Variants in C9 observed in about 807,000 individuals in gnomAD.
C9 encodes the protein complement component C9.
Under a neutral mutation model 65.4 loss-of-function variants are expected in C9, and 63 were observed. That is an observed-to-expected ratio of 0.96 (90% CI 0.79 to 1.19). C9 has a LOEUF of 1.19. C9 is among the 50% of genes most tolerant of loss of function. The probability of loss-of-function intolerance (pLI) is 0.00; values close to 1 mark genes in which losing one functional copy is unlikely to be tolerated. For missense variants in C9, 744 were observed against 670.1 expected, an observed-to-expected ratio of 1.11 and a Z score of -1.22; for synonymous variants, 229 against 227.9, an observed-to-expected ratio of 1.00 and a Z score of -0.04.
At chr5:39,328,302 G>C (rs1162631778) in intron 5 of C9, among the ~76,000 whole-genome samples, 2 of 152,200 alleles carry the variant, frequency 1.3e-5, no homozygotes, top group Non-Finnish European at 2.9e-5. Context: ...CTGAACCCAG[G>C]ATCAAAATGG....
At chr5:39,349,211 G>T (rs2111971152) in intron 1 of C9, among the ~76,000 whole-genome samples, 1 of 151,356 alleles carries the variant, frequency 6.6e-6, no homozygotes, top group Non-Finnish European at 1.5e-5. Flanking sequence ...AAAAGACTAG[G>T]TGATGCCAAT....
intron 1 of C9, among the ~76,000 whole-genome samples, chr5:39,352,834 GTTTT>G (rs747093390): frequency 6.9e-6 from 1 of 144,666 alleles, no homozygotes; most frequent in African/African-American, 2.6e-5. Flanking sequence ...TGAAGTCTAA[GTTTT>G]TTTTTTTTTT....
Position 39,334,728 on chromosome 5 carries a change from G to A in C9, c.477-2914C>T, listed in dbSNP as rs182001368. Among the ~76,000 whole-genome samples the A allele has an allele frequency of 6.5e-3, 953 of 146,044 alleles. 19 individuals carry two copies. The highest frequency in any genetic ancestry group is 0.024 in the African/African-American group (856 of 36,334). On this transcript the variant is annotated intron_variant, in intron 4 of 10. Coordinates refer to ENST00000263408, the MANE Select transcript of C9 (RefSeq NM_001737.5). ...AGCCCCCCGCCTGGCCAGCCACCCC[G>A]TCCGGGAGGTGAGGGGCGCCTCTGC...
At chr5:39,287,961 C>A (rs1222040697) in intron 10 of C9, among the ~76,000 whole-genome samples, 1 of 151,670 alleles carries the variant, frequency 6.6e-6, no homozygotes, top group Admixed American at 6.6e-5. Context: ...TTCACATGTA[C>A]CCTTTAAATT....
intron 7 of C9, among the ~76,000 whole-genome samples, chr5:39,308,975 T>C (rs994846398): frequency 6.6e-6 from 1 of 152,160 alleles, no homozygotes; most frequent in Non-Finnish European, 1.5e-5. Flanking sequence ...ATCCTTAATG[T>C]AGCTGGTTCA....
chr5:39,352,251 A>T (rs573659250), intron 1 of C9, among the ~76,000 whole-genome samples: 14 of 152,348 alleles, frequency 9.2e-5, no homozygotes, highest in African/African-American at 3.4e-4. Flanking sequence ...GTCCTTCAAC[A>T]CATGGGAATT....
At chr5:39,323,710 C>A (rs1753702439) in intron 5 of C9, among the ~76,000 whole-genome samples, 2 of 151,722 alleles carry the variant, frequency 1.3e-5, no homozygotes, top group African/African-American at 4.8e-5. Flanking sequence ...CCCACATTGA[C>A]CATTATACTC....
At chr5:39,352,894 A>G (rs1754347796) in intron 1 of C9, among the ~76,000 whole-genome samples, 1 of 151,426 alleles carries the variant, frequency 6.6e-6, no homozygotes, top group Admixed American at 6.6e-5. Context: ...TCTCAAAGAT[A>G]TCCCTGTTCC....
intron 1 of C9, among the ~76,000 whole-genome samples, chr5:39,345,655 G>A (rs777863692): frequency 3.3e-5 from 5 of 152,178 alleles, no homozygotes; most frequent in Non-Finnish European, 7.3e-5. Flanking sequence ...ATTTAACTCA[G>A]CTCTGCACCA....
intron 5 of C9, among the ~76,000 whole-genome samples, chr5:39,324,014 T>A (rs1415125994): frequency 6.6e-6 from 1 of 152,088 alleles, no homozygotes; most frequent in Non-Finnish European, 1.5e-5. Flanking sequence ...GCATTTCTAC[T>A]CACTAGCTAC....
intron 9 of C9, among the ~76,000 whole-genome samples, chr5:39,305,644 T>G (rs189880649): frequency 6.6e-6 from 1 of 152,190 alleles, no homozygotes; most frequent in East Asian, 1.9e-4. Flanking sequence ...TTTAGGCAGC[T>G]TGGGGAAAGA....
chr5:39,312,011 C>T (rs1753493295), intron 6 of C9, among the ~76,000 whole-genome samples: 1 of 152,020 alleles, frequency 6.6e-6, no homozygotes, highest in Admixed American at 6.6e-5. Flanking sequence ...TAAATCTGGT[C>T]AGTGGTCACC....
intron 1 of C9, among the ~76,000 whole-genome samples, chr5:39,361,678 C>T (rs762440573): frequency 1.5e-4 from 23 of 152,196 alleles, no homozygotes; most frequent in Admixed American, 2.6e-4. Flanking sequence ...CCAGAAGCAA[C>T]GCTCTGAGCT....
At chr5:39,346,407 A>C (rs1012815547) in intron 1 of C9, among the ~76,000 whole-genome samples, 3 of 152,222 alleles carry the variant, frequency 2.0e-5, no homozygotes, top group Non-Finnish European at 4.4e-5. Context: ...ACACAAATAA[A>C]CTAGAAAATC....
At chr5:39,345,411 CAA>C (rs1754172024) in intron 1 of C9, among the ~76,000 whole-genome samples, 1 of 152,070 alleles carries the variant, frequency 6.6e-6, no homozygotes, top group Non-Finnish European at 1.5e-5. Context: ...CAAAAAAGAT[CAA>C]AAGAGACAAA....
intron 5 of C9, among the ~76,000 whole-genome samples, chr5:39,330,196 T>A (rs1753816370): frequency 6.6e-6 from 1 of 152,220 alleles, no homozygotes; most frequent in Non-Finnish European, 1.5e-5. Flanking sequence ...CATAGATTAG[T>A]TTTGCTACAG....
In C9 at chr5:39,315,965, A is replaced by G; in HGVS notation, c.680T>C (p.Ile227Thr). 6.2e-7 allele frequency: 1 copy of G among 1,610,622 alleles called. No individual in the cohort carries two copies. The highest frequency in any genetic ancestry group is 1.1e-5 in the South Asian group (1 of 90,876). The change falls in exon 6 of 11, where the codon ATC becomes ACC. Residue 227 changes from isoleucine to threonine, a missense_variant. Ile to Thr is a moderately conservative substitution (Grantham distance 89). Transcript: ENST00000263408. The part of the protein sequence containing the change: ...YEEQIEAFKS[I>T]IQEKTSNFNA... ...AAAATTTGATGTCTTCTCTTGGATG[A>G]TACTTTTAAATGCTTCAATTTGTTC...
At chr5:39,331,566 C>T in intron 5 of C9, 110 bp downstream of exon 5, 1 of 923,492 alleles carries the variant, frequency 1.1e-6, no homozygotes, top group Non-Finnish European at 1.8e-6. Context: ...GTCTTGTGTT[C>T]ATGTGAAATT....
chr5:39,339,728 C>T (rs887150826), intron 4 of C9, among the ~76,000 whole-genome samples: 14 of 136,484 alleles, frequency 1.0e-4, no homozygotes, highest in East Asian at 2.3e-4. Flanking sequence ...GGCATGATCT[C>T]GGCTCACTGC....
Sources: allele counts gnomAD v4.1 joint callset (sites outside exome capture counted in the v4.1 genomes callset), GRCh38; gene constraint gnomAD v4.1.1; transcripts MANE v1.5; gene names NCBI Gene and HGNC (gene_info 2026-07-23, HGNC 2026-07-21).